Variants in FHIT observed in about 807,000 individuals in gnomAD.
The protein encoded by FHIT is bis(5'-adenosyl)-triphosphatase.
A neutral mutation model predicts 17.9 loss-of-function variants in FHIT; 19 were observed. That is an observed-to-expected ratio of 1.06 (90% confidence interval 0.74 to 1.56). The LOEUF is 1.56. Ranked by LOEUF, FHIT falls within the 40% of genes most tolerant of loss-of-function variation. The pLI is 0.00. For missense variants in FHIT, 248 were observed against 189.2 expected, an observed-to-expected ratio of 1.31 and a Z score of -1.82; for synonymous variants, 81 against 69.7, an observed-to-expected ratio of 1.16 and a Z score of -0.81.
At chr3:60,848,435 T>C (rs1553747275) in intron 3 of FHIT, among the ~76,000 whole-genome samples, 1 of 152,164 alleles carries the variant, frequency 6.6e-6, no homozygotes. Flanking sequence ...TTTATCACTT[T>C]GCAAGATGAT....
chr3:60,796,628 G>T (rs530921026), intron 4 of FHIT, among the ~76,000 whole-genome samples: 1 of 152,140 alleles, frequency 6.6e-6, no homozygotes, highest in African/African-American at 2.4e-5. Context: ...TGTCCCCCAG[G>T]CTGGAGTGCA....
chr3:60,620,280 C>A (rs1485711877), intron 4 of FHIT, among the ~76,000 whole-genome samples: 1 of 152,138 alleles, frequency 6.6e-6, no homozygotes, highest in Non-Finnish European at 1.5e-5. Flanking sequence ...TACAATCCAG[C>A]AATTATAATC....
chr3:60,474,450 A>G (rs988141841), intron 5 of FHIT, among the ~76,000 whole-genome samples: 1 of 152,198 alleles, frequency 6.6e-6, no homozygotes, highest in African/African-American at 2.4e-5. Context: ...AATTTTATAG[A>G]GCTAAATTGA....
At chr3:60,497,118 G>C (rs921999960) in intron 5 of FHIT, among the ~76,000 whole-genome samples, 7 of 151,924 alleles carry the variant, frequency 4.6e-5, no homozygotes, top group Non-Finnish European at 5.9e-5. Context: ...ACAACTAGGA[G>C]GGGGCATGGT....
At chr3:60,336,906 A>AC (rs1710268134) in intron 5 of FHIT, among the ~76,000 whole-genome samples, 1 of 152,154 alleles carries the variant, frequency 6.6e-6, no homozygotes, top group East Asian at 1.9e-4. Flanking sequence ...AAAAAAAAAA[A>AC]AAAAGTTCTT....
intron 3 of FHIT, among the ~76,000 whole-genome samples, chr3:60,923,866 T>C (rs1446469107): frequency 6.6e-6 from 1 of 152,194 alleles, no homozygotes; most frequent in Non-Finnish European, 1.5e-5. Context: ...ACCCTAATAC[T>C]GTGCTTTTCC....
rs1051175773 is a variant in FHIT at position 61,004,992 on chromosome 3, C to A, written c.-111+37055G>T. ...ATCTATGCCTCCCACCATTTTCTCC[C>A]CACATGAGAGGTACAGCAGAGAGGG... On this transcript the variant is annotated intron_variant, in intron 3 of 9. Transcript: ENST00000492590. 2.6e-5 allele frequency among the ~76,000 whole-genome samples: 4 copies of A among 152,048 alleles called. No individual in the cohort carries two copies. In the South Asian group the frequency reaches 8.3e-4, roughly 32 times the overall value.
At chr3:60,796,982 A>G (rs563553904) in intron 4 of FHIT, among the ~76,000 whole-genome samples, 1 of 152,342 alleles carries the variant, frequency 6.6e-6, no homozygotes, top group East Asian at 1.9e-4. Context: ...TTCATAACTT[A>G]TAAAGGCCAT....
chr3:59,869,781 C>T (rs143091557), intron 8 of FHIT, among the ~76,000 whole-genome samples: 54 of 151,988 alleles, frequency 3.6e-4, no homozygotes, highest in African/African-American at 1.2e-3. Context: ...CCACCACAAC[C>T]GGCGAAGGAT....
chr3:60,971,020 G>A lies in FHIT; in HGVS notation c.-111+71027C>T, dbSNP rs181587554. On this transcript the variant is annotated intron_variant, in intron 3 of 9. Transcript: ENST00000492590. ...ATTTCTGTATGTATATCCAAAAGAT[G>A]AGTATGCTTTTTATAATATATAACT... Among the ~76,000 whole-genome samples, 23 of 152,130 alleles carry A rather than the reference G, an allele frequency of 1.5e-4. No individual in the cohort carries two copies. In the South Asian group the frequency reaches 1.7e-3, roughly 11 times the overall value.
intron 1 of FHIT, among the ~76,000 whole-genome samples, chr3:61,247,894 C>T (rs994760130): frequency 6.6e-6 from 1 of 152,122 alleles, no homozygotes; most frequent in African/African-American, 2.4e-5. Context: ...CTTATTATCC[C>T]TATTTTAAGA....
intron 8 of FHIT, among the ~76,000 whole-genome samples, chr3:59,902,784 G>C (rs887781715): frequency 6.6e-6 from 1 of 152,150 alleles, no homozygotes; most frequent in Non-Finnish European, 1.5e-5. Context: ...TAGTTACCAA[G>C]GGCCAGGCAT....
intron 4 of FHIT, among the ~76,000 whole-genome samples, chr3:60,735,228 A>G (rs1053947336): frequency 2.6e-5 from 4 of 152,200 alleles, no homozygotes; most frequent in Admixed American, 2.0e-4. Flanking sequence ...AGGCCCAAGG[A>G]AAAAACTGCA....
intron 4 of FHIT, among the ~76,000 whole-genome samples, chr3:60,776,161 G>A (rs1700211807): frequency 6.6e-6 from 1 of 152,126 alleles, no homozygotes. Flanking sequence ...GGGCATGGCT[G>A]GTAATTGTGG....
intron 5 of FHIT, among the ~76,000 whole-genome samples, chr3:60,336,121 G>A (rs1319884465): frequency 6.6e-6 from 1 of 152,136 alleles, no homozygotes; most frequent in East Asian, 1.9e-4. Flanking sequence ...TTCTCCATGG[G>A]CTCTCTCCAC....
intron 5 of FHIT, among the ~76,000 whole-genome samples, chr3:60,036,789 T>C (rs1017033731): frequency 7.9e-5 from 12 of 152,174 alleles, no homozygotes; most frequent in African/African-American, 2.7e-4. Flanking sequence ...TTGTTTGTTT[T>C]TGCTCTTCCC....
At chr3:61,206,965 T>C (rs1318887856) in intron 1 of FHIT, among the ~76,000 whole-genome samples, 1 of 152,216 alleles carries the variant, frequency 6.6e-6, no homozygotes, top group African/African-American at 2.4e-5. Flanking sequence ...TTGTCATAGA[T>C]AGCTCTTATT....
At position 60,800,145 on chromosome 3, in the gene FHIT, C is replaced by T. The variant is rs572923046; in HGVS notation, c.-18+21774G>A. Reference sequence around the variant, plus strand: ...CAGATCCTTTATTCATGCTGTATTTCCAAGCTGAATTTCCTTCCCCCACTT... The same window carrying T: ...CAGATCCTTTATTCATGCTGTATTTTCAAGCTGAATTTCCTTCCCCCACTT... On this transcript the variant is annotated intron_variant, in intron 4 of 9. Coordinates refer to ENST00000492590, the MANE Select transcript of FHIT (RefSeq NM_002012.4). 2.6e-5 allele frequency among the ~76,000 whole-genome samples: 4 copies of T among 152,222 alleles called. No homozygotes were observed. The South Asian group carries it at 6.2e-4, about 24-fold the overall frequency.
At chr3:60,378,776 G>A (rs1045886605) in intron 5 of FHIT, among the ~76,000 whole-genome samples, 5 of 152,188 alleles carry the variant, frequency 3.3e-5, no homozygotes, top group African/African-American at 9.6e-5. Context: ...AGACACACTG[G>A]CCATGCCAGG....
Sources: gnomAD v4.1 joint callset for allele counts (sites outside exome capture counted in the v4.1 genomes callset) on GRCh38, gnomAD v4.1.1 for gene constraint, MANE v1.5 for transcripts, NCBI Gene and HGNC (gene_info 2026-07-23, HGNC 2026-07-21) for gene names.